CAPN7: variants seen among roughly 807,000 people sequenced by gnomAD.
CAPN7 encodes the protein calpain-7.
In CAPN7, 72 loss-of-function variants were observed where a neutral mutation model predicts 115.2. The observed-to-expected ratio is 0.63, with a 90% CI of 0.52 to 0.76. CAPN7 has a LOEUF of 0.76. Among genes scored for constraint, CAPN7 ranks in the 30% least tolerant of loss-of-function variants. The probability of loss-of-function intolerance (pLI) is 0.00; values close to 1 mark genes in which losing one functional copy is unlikely to be tolerated. For missense variants in CAPN7, 905 were observed against 971.5 expected, an observed-to-expected ratio of 0.93 and a Z score of 0.91; for synonymous variants, 344 against 322.3, an observed-to-expected ratio of 1.07 and a Z score of -0.72.
rs1477934147 is a variant in CAPN7 at position 15,218,465 on chromosome 3, C to T, written c.370-8C>T. ...CTTTAAAATGTCTGTCTCTTTCTTTCTCTTAAGTCTTATGAAACTGCTGAT... is the reference window on the plus strand; with the variant it reads ...CTTTAAAATGTCTGTCTCTTTCTTTTTCTTAAGTCTTATGAAACTGCTGAT... On this transcript the variant is annotated splice_polypyrimidine_tract_variant and splice_region_variant and intron_variant, in intron 3 of 20. Transcript: ENST00000253693. 1.9e-6 allele frequency: 3 copies of T among 1,601,880 alleles called. No individual in the cohort carries two copies. The highest frequency in any genetic ancestry group is 1.3e-5 in the African/African-American group (1 of 74,684).
intron 5 of CAPN7, among the ~76,000 whole-genome samples, chr3:15,222,070 CAAAA>C (rs58470950): frequency 5.9e-5 from 8 of 135,540 alleles, no homozygotes; most frequent in Admixed American, 1.5e-4. Context: ...TTACATGCAT[CAAAA>C]AAAAAAAAAA....
chr3:15,222,903 A>G (rs976067730), intron 5 of CAPN7, among the ~76,000 whole-genome samples: 1 of 152,212 alleles, frequency 6.6e-6, no homozygotes, highest in Non-Finnish European at 1.5e-5. Context: ...AACATCTCAT[A>G]AATAGAATAA....
intron 9 of CAPN7, among the ~76,000 whole-genome samples, chr3:15,231,459 A>T (rs1020435383): frequency 2.6e-5 from 4 of 152,210 alleles, no homozygotes; most frequent in Non-Finnish European, 4.4e-5. Context: ...TTGTTTAAAG[A>T]ATCTTTAAAG....
chr3:15,240,785 C>T lies in CAPN7; in HGVS notation c.1584C>T (p.Cys528=), dbSNP rs1052790367. The change falls in exon 14 of 21, where the codon TGC becomes TGT. Residue 528 remains cysteine, a synonymous_variant. Coordinates refer to ENST00000253693, the MANE Select transcript of CAPN7 (RefSeq NM_014296.3). ...TTTGGATTTCCTGGGATGATCTCTG[C>T]CAGTATTATGATGTGATTTATTTGA... ...GIFWISWDDL[C]QYYDVIYLSW... 2 of 1,611,264 alleles carry T rather than the reference C, an allele frequency of 1.2e-6. No individual in the cohort carries two copies. The highest frequency in any genetic ancestry group is 1.7e-6 in the Non-Finnish European group (2 of 1,178,130).
chr3:15,232,162 A>G (rs922523530), intron 9 of CAPN7: 1 of 405,166 alleles, frequency 2.5e-6, no homozygotes, highest in Non-Finnish European at 4.8e-6. Flanking sequence ...CACTCCAGTA[A>G]GTATTTCCTT....
chr3:15,251,192 A>C lies in CAPN7; in HGVS notation c.2374A>C (p.Lys792Gln). ...TATCATTCCTAGTACCTTTTTGCCT[A>C]AACAAGAAGGACCTTTTTTCTTGGA... ...FNIIPSTFLP[K>Q]QEGPFFLDFN... is the part of the protein sequence containing the mutation. The change falls in exon 21 of 21, where the codon AAA (lysine) becomes CAA (glutamine). Residue 792 changes from lysine to glutamine, a missense_variant. Around this residue, in one of 3 missense-constraint regions of CAPN7, gnomAD observed 620 missense variants for 703.4 expected, o/e 0.88. Transcript: ENST00000253693. 1 of 1,610,276 alleles carries C rather than the reference A, an allele frequency of 6.2e-7. No homozygotes were observed.
intron 8 of CAPN7, among the ~76,000 whole-genome samples, 163 bp downstream of exon 8, chr3:15,229,222 T>C (rs1694519689): frequency 6.6e-6 from 1 of 152,224 alleles, no homozygotes; most frequent in African/African-American, 2.4e-5. Context: ...AAAGATACGC[T>C]AAAACAGTCT....
At chr3:15,240,991 C>G in intron 14 of CAPN7, 138 bp downstream of exon 14, 3 of 562,716 alleles carry the variant, frequency 5.3e-6, no homozygotes, top group Non-Finnish European at 9.3e-6. Flanking sequence ...GATCAGTTGA[C>G]CTCAGGAGTT....
In CAPN7 at chr3:15,252,298, TA is replaced by T. The variant is rs1696037193; in HGVS notation, c.*1039del. 6.6e-6 allele frequency: 1 copy of T among 152,646 alleles called. No individual in the cohort carries two copies. The highest frequency in any genetic ancestry group is 2.4e-5 in the African/African-American group (1 of 41,472). The allele number at this position is 152,646 out of a possible 1,614,324, so 9.5% of individuals were successfully genotyped here. ...TAAATTGAAATAAAATGTTTATACT[TA>T]CGGATATTGCATAGTTTAAGTTAGA... On this transcript the variant is annotated 3_prime_UTR_variant, in exon 21 of 21. Coordinates refer to ENST00000253693, the MANE Select transcript of CAPN7 (RefSeq NM_014296.3).
At chr3:15,220,122 C>T (rs1408615801) in intron 4 of CAPN7, among the ~76,000 whole-genome samples, 1 of 152,044 alleles carries the variant, frequency 6.6e-6, no homozygotes, top group Non-Finnish European at 1.5e-5. Flanking sequence ...AATCGCTTGA[C>T]TCGGAAGGCA....
chr3:15,218,913 A>G (rs1298749166), intron 4 of CAPN7, among the ~76,000 whole-genome samples: 2 of 152,218 alleles, frequency 1.3e-5, no homozygotes, highest in Non-Finnish European at 2.9e-5. Context: ...TACATACCTC[A>G]GATTATACAG....
chr3:15,213,901 G>A (rs913076075), intron 2 of CAPN7, among the ~76,000 whole-genome samples: 53 of 148,018 alleles, frequency 3.6e-4, no homozygotes, highest in Non-Finnish European at 3.7e-4. Flanking sequence ...TTTTTTTGAG[G>A]TGGAGTCTCG....
intron 7 of CAPN7, among the ~76,000 whole-genome samples, chr3:15,228,439 A>G (rs999615404): frequency 9.9e-5 from 15 of 152,214 alleles, no homozygotes; most frequent in Non-Finnish European, 1.9e-4. Flanking sequence ...GCACTATTCA[A>G]AATAACAAAG....
intron 11 of CAPN7, among the ~76,000 whole-genome samples, chr3:15,234,578 G>A (rs1694879348): frequency 1.3e-5 from 2 of 152,240 alleles, no homozygotes; most frequent in South Asian, 2.1e-4. Context: ...GAGGGAAAGT[G>A]GGAAAAGAGA....
At position 15,212,116 on chromosome 3, in the gene CAPN7, G is replaced by C. The variant is rs2044988140; in HGVS notation, c.115G>C (p.Ala39Pro). 2 of 1,604,890 alleles carry C rather than the reference G, an allele frequency of 1.2e-6. No homozygotes were observed. Among genetic ancestry groups the C allele is most frequent in the Admixed American group, 1.7e-5 (1 of 58,692 alleles). Residue 39 changes from alanine (A) to proline (P), a missense_variant, in exon 2 of 21, where the codon GCC becomes CCC. Physicochemically the swap from Ala to Pro is conservative, Grantham distance 27 (BLOSUM62 -1). Transcript: ENST00000253693. ...CTTTCATTTTTAGGAAGCTGCACAA[G>C]CCTTAATTTATGCTGAGATGGCAGG... is the stretch of plus-strand genomic sequence containing the variant. ...AVFYYKEAAQ[A>P]LIYAEMAGSS...
chr3:15,234,934 A>G (rs1694899507), intron 11 of CAPN7, 91 bp from the exon 12 acceptor site: 4 of 1,154,594 alleles, frequency 3.5e-6, no homozygotes, highest in East Asian at 4.9e-5. Flanking sequence ...GCCCATTTTC[A>G]TGTAAGCCAT....
At position 15,223,490 on chromosome 3, in the gene CAPN7, A is replaced by C. The variant is rs773192523; in HGVS notation, c.654A>C (p.Ile218=). 6.2e-7 allele frequency: 1 copy of C among 1,608,554 alleles called. No individual in the cohort carries two copies. Among genetic ancestry groups the C allele is most frequent in the African/African-American group, 1.3e-5 (1 of 74,896 alleles). Residue 218 remains isoleucine (I), a synonymous_variant, in exon 6 of 21, where the codon ATA becomes ATC. Coordinates refer to ENST00000253693, the MANE Select transcript of CAPN7 (RefSeq NM_014296.3). ...EIEVLRTTSK[I]NGIEYVPFMN... is the part of the protein sequence containing the mutation. ...TGTTTGATAGGACAACATCAAAAATAAATGGTATAGAATATGTTCCTTTCA... is the reference window on the plus strand; with the variant it reads ...TGTTTGATAGGACAACATCAAAAATCAATGGTATAGAATATGTTCCTTTCA...
chr3:15,211,151 T>C (rs2044919656), intron 1 of CAPN7, among the ~76,000 whole-genome samples: 1 of 152,218 alleles, frequency 6.6e-6, no homozygotes, highest in Non-Finnish European at 1.5e-5. Flanking sequence ...GTCAGTATTT[T>C]CTGTGGAGAA....
chr3:15,222,650 A>C (rs1292384579), intron 5 of CAPN7, among the ~76,000 whole-genome samples: 1 of 152,228 alleles, frequency 6.6e-6, no homozygotes, highest in Non-Finnish European at 1.5e-5. Flanking sequence ...GACTAATAAC[A>C]GTCCAACACT....
Sources: allele counts gnomAD v4.1 joint callset (sites outside exome capture counted in the v4.1 genomes callset), GRCh38; gene constraint gnomAD v4.1.1; regional missense constraint gnomAD v4.1.1; transcripts MANE v1.5; gene names NCBI Gene and HGNC (gene_info 2026-07-23, HGNC 2026-07-21).